EPYC: variants seen among roughly 807,000 people sequenced by gnomAD.
The protein encoded by EPYC is epiphycan.
In EPYC, 28 loss-of-function variants were observed where a neutral mutation model predicts 30.1. That is an observed-to-expected ratio of 0.93 (90% CI 0.69 to 1.28). EPYC has a LOEUF of 1.28. EPYC is among the 50% of genes most tolerant of loss of function. The probability of loss-of-function intolerance (pLI) is 0.00; values close to 1 mark genes in which losing one functional copy is unlikely to be tolerated. For missense variants in EPYC, 382 were observed against 383.5 expected, an observed-to-expected ratio of 1.00 and a Z score of 0.03; for synonymous variants, 144 against 141.4, an observed-to-expected ratio of 1.02 and a Z score of -0.13.
At chr12:90,989,295 TATA>T (rs1185936554) in intron 2 of EPYC, among the ~76,000 whole-genome samples, 1 of 152,060 alleles carries the variant, frequency 6.6e-6, no homozygotes, top group African/African-American at 2.4e-5. Context: ...CTTACTGAAA[TATA>T]ATATCACCAA....
chr12:90,999,566 C>T (rs993195786), intron 2 of EPYC, among the ~76,000 whole-genome samples: 1 of 151,998 alleles, frequency 6.6e-6, no homozygotes, highest in Non-Finnish European at 1.5e-5. Context: ...TTTAACTGTA[C>T]CCTATATTGG....
intron 6 of EPYC, among the ~76,000 whole-genome samples, chr12:90,967,941 G>T (rs759494971): frequency 1.3e-5 from 2 of 151,998 alleles, no homozygotes; most frequent in African/African-American, 4.8e-5. Context: ...CTGCATTCTA[G>T]CCTGGGTGAC....
At position 90,969,038 on chromosome 12, in the gene EPYC, G is replaced by A. The variant is rs137910074; in HGVS notation, c.798+1006C>T. Among the ~76,000 whole-genome samples, 867 of 150,470 alleles carry A rather than the reference G, an allele frequency of 5.8e-3. 7 individuals are homozygous for A. Among genetic ancestry groups the A allele is most frequent in the African/African-American group, 0.02 (827 of 41,080 alleles). On this transcript the variant is annotated intron_variant, in intron 6 of 6. Coordinates refer to ENST00000261172, the MANE Select transcript of EPYC (RefSeq NM_004950.5). ...ATATAGTGTGTGTATATACATATATGTATAGAGATATATATTTATATATAT... is the reference window on the plus strand; with the variant it reads ...ATATAGTGTGTGTATATACATATATATATAGAGATATATATTTATATATAT...
intron 6 of EPYC, among the ~76,000 whole-genome samples, chr12:90,965,961 A>G (rs1204062544): frequency 6.6e-6 from 1 of 151,822 alleles, no homozygotes; most frequent in South Asian, 2.1e-4. Context: ...CATACAATTG[A>G]TATTTGTATA....
At chr12:90,973,845 G>T (rs74407028) in intron 3 of EPYC, among the ~76,000 whole-genome samples, 1 of 151,948 alleles carries the variant, frequency 6.6e-6, no homozygotes, top group Admixed American at 6.6e-5. Context: ...CATACGATGC[G>T]GTTTGCATGG....
chr12:90,965,941 A>G (rs963698822), intron 6 of EPYC, among the ~76,000 whole-genome samples: 1 of 151,946 alleles, frequency 6.6e-6, no homozygotes, highest in Non-Finnish European at 1.5e-5. Context: ...GCTAGTGTAT[A>G]GATATCCTGC....
chr12:90,998,219 A>G (rs1254712601), intron 2 of EPYC, among the ~76,000 whole-genome samples: 3 of 152,126 alleles, frequency 2.0e-5, no homozygotes, highest in African/African-American at 7.2e-5. Context: ...AGTTTATCAG[A>G]AAGCAAAAAG....
intron 2 of EPYC, among the ~76,000 whole-genome samples, chr12:90,983,361 C>T (rs543969206): frequency 1.2e-4 from 18 of 152,196 alleles, no homozygotes; most frequent in Middle Eastern, 3.4e-3. Context: ...CCTATTTTTC[C>T]TTAGAATTCA....
chr12:91,000,637 C>T (rs1201855293), intron 2 of EPYC, among the ~76,000 whole-genome samples: 1 of 151,608 alleles, frequency 6.6e-6, no homozygotes, highest in Non-Finnish European at 1.5e-5. Flanking sequence ...TAAATAGCAC[C>T]CTTGAAACCA....
At position 90,964,214 on chromosome 12, in the gene EPYC, C is replaced by T; in HGVS notation, c.911G>A (p.Ser304Asn). 3 of 1,613,402 alleles carry T rather than the reference C, an allele frequency of 1.9e-6. No homozygotes were observed. The highest frequency in any genetic ancestry group is 2.5e-6 in the Non-Finnish European group (3 of 1,179,536). The change falls in exon 7 of 7, where the codon AGC becomes AAC. Residue 304 changes from serine (S) to asparagine (N), a missense_variant. Physicochemically the swap from Ser to Asn is conservative, Grantham distance 46 (BLOSUM62 1). Coordinates refer to ENST00000261172, the MANE Select transcript of EPYC (RefSeq NM_004950.5). The part of the protein sequence containing the change: ...IRLDGNPINL[S>N]KTPQAYMCLP... ...ACACATGTATGCTTGAGGAGTTTTG[C>T]TGAGATTAATAGGGTTTCCATCCAA...
intron 2 of EPYC, among the ~76,000 whole-genome samples, chr12:90,988,163 C>A (rs1877497654): frequency 6.6e-6 from 1 of 152,018 alleles, no homozygotes; most frequent in South Asian, 2.1e-4. Context: ...TACCTAAGGC[C>A]AGAGATAGTC....
intron 2 of EPYC, among the ~76,000 whole-genome samples, chr12:90,980,426 C>T (rs1289265535): frequency 6.6e-6 from 1 of 152,116 alleles, no homozygotes; most frequent in African/African-American, 2.4e-5. Context: ...CTTTTCACAT[C>T]AGCAAAATTG....
intron 2 of EPYC, among the ~76,000 whole-genome samples, chr12:90,983,645 G>A (rs948770932): frequency 1.2e-4 from 19 of 152,030 alleles, no homozygotes; most frequent in South Asian, 2.1e-4. Context: ...AAGTCACATC[G>A]CCCAAGTGAG....
chr12:90,974,896 G>T (rs1877146702), intron 3 of EPYC, among the ~76,000 whole-genome samples: 1 of 152,072 alleles, frequency 6.6e-6, no homozygotes, highest in Non-Finnish European at 1.5e-5. Context: ...AGTGGTGGAA[G>T]AAATGTCCTG....
In EPYC at chr12:90,970,112, G is replaced by A. The variant is rs1325448363; in HGVS notation, c.730C>T (p.Leu244Phe). 1 of 1,613,698 alleles carries A rather than the reference G, an allele frequency of 6.2e-7. No individual in the cohort carries two copies. The highest frequency in any genetic ancestry group is 8.5e-7 in the Non-Finnish European group (1 of 1,179,674). Residue 244 changes from leucine to phenylalanine, a missense_variant, in exon 6 of 7, where the codon CTC (leucine) becomes TTC (phenylalanine). Transcript: ENST00000261172. ...ATGTGGTCCAAGTTGTTATCAGTGA[G>A]GTACAGATGATGGAGATCATACATG... ...KDMYDLHHLY[L>F]TDNNLDHIPL...
intron 2 of EPYC, among the ~76,000 whole-genome samples, chr12:91,001,891 A>G (rs936462439): frequency 6.6e-6 from 1 of 151,936 alleles, no homozygotes; most frequent in Non-Finnish European, 1.5e-5. Flanking sequence ...CATGAGCTTT[A>G]AAAAAACAAA....
At chr12:90,975,093 CA>C (rs1469415030) in intron 3 of EPYC, among the ~76,000 whole-genome samples, 1 of 151,988 alleles carries the variant, frequency 6.6e-6, no homozygotes, top group Non-Finnish European at 1.5e-5. Flanking sequence ...TTATTACTAT[CA>C]TTAAATACAA....
chr12:90,974,986 C>T (rs955287818), intron 3 of EPYC, among the ~76,000 whole-genome samples: 3 of 152,050 alleles, frequency 2.0e-5, no homozygotes, highest in Non-Finnish European at 4.4e-5. Context: ...GTGTTGGGAA[C>T]TCATCACACC....
At chr12:90,994,590 G>A (rs1039965215) in intron 2 of EPYC, among the ~76,000 whole-genome samples, 19 of 152,074 alleles carry the variant, frequency 1.2e-4, no homozygotes, top group African/African-American at 4.3e-4. Context: ...AAAGCCAATA[G>A]TTTCTCCCAT....
Sources: allele counts gnomAD v4.1 joint callset (sites outside exome capture counted in the v4.1 genomes callset), GRCh38; gene constraint gnomAD v4.1.1; transcripts MANE v1.5; gene names NCBI Gene and HGNC (gene_info 2026-07-23, HGNC 2026-07-21).